The following PIAS1 variants were observed in gnomAD, a reference collection of about 807,000 sequenced individuals.
The protein encoded by PIAS1 is protein inhibitor of activated STAT 1.
In PIAS1, 6 loss-of-function variants were observed where a neutral mutation model predicts 71.3. That is an observed-to-expected ratio of 0.08 (90% CI 0.05 to 0.17). PIAS1 has a LOEUF of 0.17. PIAS1 is among the 10% of genes least tolerant of loss of function. PIAS1 has a pLI of 1.00. For missense variants in PIAS1, 555 were observed against 793.6 expected, an observed-to-expected ratio of 0.70 and a Z score of 3.61; for synonymous variants, 303 against 292.9, an observed-to-expected ratio of 1.03 and a Z score of -0.35.
chr15:68,081,049 T>C (rs1241704642), intron 1 of PIAS1, among the ~76,000 whole-genome samples: 1 of 152,256 alleles, frequency 6.6e-6, no homozygotes, highest in East Asian at 1.9e-4. Flanking sequence ...AAAAGCCTGT[T>C]TGCTTGTTGA....
intron 7 of PIAS1, among the ~76,000 whole-genome samples, chr15:68,161,488 G>GT (rs1323143764): frequency 0.047 from 6,551 of 138,730 alleles, 309 homozygotes; most frequent in African/African-American, 0.13. Flanking sequence ...GAAGGCATAG[G>GT]TTTTTTTTTT....
At chr15:68,104,617 A>G (rs2092454702) in intron 2 of PIAS1, among the ~76,000 whole-genome samples, 1 of 152,168 alleles carries the variant, frequency 6.6e-6, no homozygotes, top group Non-Finnish European at 1.5e-5. Context: ...GGTAGTGATG[A>G]TGGTGGTTAC....
rs533628584 is a variant in PIAS1 at position 68,101,908 on chromosome 15, G to A, written c.469+15158G>A. On this transcript the variant is annotated intron_variant, in intron 2 of 13. Coordinates refer to ENST00000249636, the MANE Select transcript of PIAS1 (RefSeq NM_016166.3). ...TGAGACTACAGGTGTGTGCCATCGC[G>A]CCCAACTAATTTATTTTTTACTTTT... 5.3e-5 allele frequency among the ~76,000 whole-genome samples: 8 copies of A among 152,096 alleles called. No homozygotes were observed. In the South Asian group the frequency reaches 1.7e-3, roughly 32 times the overall value.
chr15:68,102,376 G>T (rs2092434808), intron 2 of PIAS1, among the ~76,000 whole-genome samples: 1 of 152,160 alleles, frequency 6.6e-6, no homozygotes, highest in African/African-American at 2.4e-5. Context: ...TATGTAATAA[G>T]TCATAAAATT....
At position 68,077,469 on chromosome 15, in the gene PIAS1, G is replaced by A. The variant is rs142735835; in HGVS notation, c.25-8837G>A. The stretch of plus-strand genomic sequence containing the variant: ...AGAGTCAATTTTGGTATACCAAGAG[G>A]ACGAAATTTTAGAGCCATTGGGCGG... On this transcript the variant is annotated intron_variant, in intron 1 of 13. Coordinates refer to ENST00000249636, the MANE Select transcript of PIAS1 (RefSeq NM_016166.3). 3.4e-3 allele frequency among the ~76,000 whole-genome samples: 520 copies of A among 152,312 alleles called. 2 individuals are homozygous for A. Among genetic ancestry groups the A allele is most frequent in the African/African-American group, 0.012 (485 of 41,576 alleles).
intron 2 of PIAS1, among the ~76,000 whole-genome samples, chr15:68,131,495 T>C (rs1474587556): frequency 2.0e-5 from 3 of 151,874 alleles, no homozygotes; most frequent in Non-Finnish European, 4.4e-5. Flanking sequence ...AAAAAACTTA[T>C]TTCTCCTATC....
rs1457278875 is a variant in PIAS1 at position 68,190,144 on chromosome 15, G to C, written c.*2309G>C. 1 of 152,060 alleles carries C rather than the reference G, an allele frequency of 6.6e-6. No individual in the cohort carries two copies. Among genetic ancestry groups the C allele is most frequent in the African/African-American group, 2.4e-5 (1 of 41,398 alleles). 9.4% of individuals were successfully genotyped at this position (152,060 alleles called of 1,614,324 possible). ...CTCTACTTTCTTCAGTTGTAGAAAA[G>C]GTTAATTTCCCTCAGTGTCCCACAT... On this transcript the variant is annotated 3_prime_UTR_variant, in exon 14 of 14. Transcript: ENST00000249636. The surrounding 1 kb of genome is among the most constrained non-coding windows in gnomAD (Gnocchi z 4.7).
At chr15:68,154,966 G>A (rs929994163) in intron 7 of PIAS1, among the ~76,000 whole-genome samples, 1 of 152,144 alleles carries the variant, frequency 6.6e-6, no homozygotes, top group African/African-American at 2.4e-5. Context: ...CTTCGTATTT[G>A]CCTCACAATA....
intron 2 of PIAS1, among the ~76,000 whole-genome samples, chr15:68,122,325 A>G (rs1368088999): frequency 6.6e-6 from 1 of 151,870 alleles, no homozygotes; most frequent in Non-Finnish European, 1.5e-5. Flanking sequence ...GTCGCAGGTA[A>G]CATAGCGTTG....
At chr15:68,162,597 C>G (rs1026367316) in intron 7 of PIAS1, among the ~76,000 whole-genome samples, 1 of 152,150 alleles carries the variant, frequency 6.6e-6, no homozygotes, top group East Asian at 1.9e-4. Context: ...GCTGGAGAAC[C>G]AGCGAAGCCA....
In PIAS1 at chr15:68,182,490, C is replaced by T. The variant is rs1055023698; in HGVS notation, c.1624+1136C>T. On this transcript the variant is annotated intron_variant, in intron 12 of 13. Transcript: ENST00000249636. ...AGTTTTGCTCTTATTGCTCAGGCTG[C>T]GTGTGTGTGTGTGTGTGTGTGTGTG... Among the ~76,000 whole-genome samples the T allele has an allele frequency of 2.6e-4, 32 of 123,346 alleles. 1 individual carries two copies. In the South Asian group the frequency reaches 3.8e-3, roughly 15 times the overall value. 80.9% of individuals were successfully genotyped at this position (123,346 alleles called of 152,430 possible). A position where few individuals can be genotyped will look rare whatever the true frequency, so the allele number is the denominator to read the frequency against.
At chr15:68,102,830 C>A (rs1290430966) in intron 2 of PIAS1, among the ~76,000 whole-genome samples, 1 of 152,174 alleles carries the variant, frequency 6.6e-6, no homozygotes. Flanking sequence ...TCTTAACCAT[C>A]TGCCTGCTGC....
At chr15:68,083,653 C>T (rs1173023669) in intron 1 of PIAS1, among the ~76,000 whole-genome samples, 6 of 151,932 alleles carry the variant, frequency 3.9e-5, no homozygotes, top group African/African-American at 1.4e-4. Flanking sequence ...TGGAGTAGAA[C>T]CAGTTGCATG....
chr15:68,175,609 A>G, intron 9 of PIAS1, 28 bp from the exon 10 acceptor site: 4 of 1,274,216 alleles, frequency 3.1e-6, no homozygotes, highest in Non-Finnish European at 4.2e-6. Flanking sequence ...TTTAAAATAT[A>G]TTCTAAGGAT....
Position 68,189,670 on chromosome 15 carries a change from G to A in PIAS1, c.*1835G>A, listed in dbSNP as rs1049989618. 1.3e-5 allele frequency: 2 copies of A among 152,014 alleles called. No individual in the cohort carries two copies. The highest frequency in any genetic ancestry group is 4.8e-5 in the African/African-American group (2 of 41,402). The allele number at this position is 152,014 out of a possible 1,614,324, so 9.4% of individuals were successfully genotyped here. Reference sequence around the variant, plus strand: ...TGTGTATATATGTATTTATAAACAAGTGTGTTTGAGTAACAAGTGAGTTTC... The same window carrying A: ...TGTGTATATATGTATTTATAAACAAATGTGTTTGAGTAACAAGTGAGTTTC... On this transcript the variant is annotated 3_prime_UTR_variant, in exon 14 of 14. Coordinates refer to ENST00000249636, the MANE Select transcript of PIAS1 (RefSeq NM_016166.3).
intron 2 of PIAS1, among the ~76,000 whole-genome samples, chr15:68,111,290 T>C (rs1236232643): frequency 1.3e-5 from 2 of 152,106 alleles, no homozygotes; most frequent in Non-Finnish European, 1.5e-5. Flanking sequence ...AAGATTTAAC[T>C]AGAAGGCGAA....
At chr15:68,152,526 A>G (rs1315369216) in intron 6 of PIAS1, among the ~76,000 whole-genome samples, 1 of 152,170 alleles carries the variant, frequency 6.6e-6, no homozygotes, top group Non-Finnish European at 1.5e-5. Context: ...TTGCCTAATC[A>G]TGAGCAGATT....
chr15:68,069,672 C>T (rs1436962655), intron 1 of PIAS1, among the ~76,000 whole-genome samples: 4 of 151,978 alleles, frequency 2.6e-5, no homozygotes, highest in South Asian at 4.2e-4. Flanking sequence ...CGTGGTGGCG[C>T]GGGAGCCTGT....
At position 68,054,624 on chromosome 15, in the gene PIAS1, C is replaced by G. The variant is rs1239625354; in HGVS notation, c.24+274C>G. ...GGTGGCGGGGGAAGAGATAGGGAGT[C>G]CGGAGGTAGGGGCTGCAGCTGTCTC... On this transcript the variant is annotated intron_variant, in intron 1 of 13. Coordinates refer to ENST00000249636, the MANE Select transcript of PIAS1 (RefSeq NM_016166.3). The surrounding 1 kb of genome is among the most constrained non-coding windows in gnomAD (Gnocchi z 4.6). 2.6e-6 allele frequency: 1 copy of G among 380,928 alleles called. No individual in the cohort carries two copies. The highest frequency in any genetic ancestry group is 5.3e-5 in the South Asian group (1 of 18,746). 23.6% of individuals were successfully genotyped at this position (380,928 alleles called of 1,614,324 possible). A position where few individuals can be genotyped will look rare whatever the true frequency, so the allele number is the denominator to read the frequency against.
Sources: gnomAD v4.1 joint callset for allele counts (sites outside exome capture counted in the v4.1 genomes callset) on GRCh38, gnomAD v4.1.1 for gene constraint, Gnocchi (gnomAD v3.1) non-coding constraint, MANE v1.5 for transcripts, NCBI Gene and HGNC (gene_info 2026-07-23, HGNC 2026-07-21) for gene names.